Variants in SANBR observed in about 807,000 individuals in gnomAD.
SANBR encodes SANT and BTB domain regulator of class switch recombination.
Under a neutral mutation model 101.8 loss-of-function variants are expected in SANBR, and 77 were observed. The observed-to-expected ratio is 0.76, with a 90% CI of 0.63 to 0.91. The LOEUF (loss-of-function observed/expected upper bound fraction) is 0.91, where lower values mean the gene tolerates loss of function less well. Ranked by LOEUF, SANBR falls within the 40% of genes least tolerant of loss-of-function variation. The probability of loss-of-function intolerance (pLI) is 0.00; values close to 1 mark genes in which losing one functional copy is unlikely to be tolerated. For missense variants in SANBR, 875 were observed against 853.0 expected, an observed-to-expected ratio of 1.03 and a Z score of -0.32; for synonymous variants, 279 against 274.7, an observed-to-expected ratio of 1.02 and a Z score of -0.15.
intron 12 of SANBR, among the ~76,000 whole-genome samples, chr2:61,102,169 C>T (rs376152108): frequency 3.3e-5 from 5 of 151,580 alleles, no homozygotes; most frequent in Non-Finnish European, 5.9e-5. Flanking sequence ...GTCAAGAGAT[C>T]GAGACCACCC....
At position 61,117,673 on chromosome 2, in the gene SANBR, C is replaced by T. The variant is rs1219554971; in HGVS notation, c.1939+133C>T. 8.2e-6 allele frequency: 6 copies of T among 729,804 alleles called. No homozygotes were observed. The East Asian group carries it at 1.1e-4, about 13-fold the overall frequency. 45.2% of individuals were successfully genotyped at this position (729,804 alleles called of 1,614,324 possible). On this transcript the variant is annotated intron_variant, in intron 19 of 21. Transcript: ENST00000402291. ...GTAAGGCCCCAAATTTGCATATTCC[C>T]TTAGGCAACAACCAGAGTTTCATTA...
At chr2:61,104,077 A>G in intron 13 of SANBR, 79 bp downstream of exon 13, 1 of 1,257,494 alleles carries the variant, frequency 8.0e-7, no homozygotes, top group Admixed American at 2.0e-5. Context: ...TCCCCAAATC[A>G]GCAACGTCAG....
chr2:61,071,825 C>T (rs764876126), intron 4 of SANBR, 33 bp downstream of exon 4: 1 of 1,391,800 alleles, frequency 7.2e-7, no homozygotes, highest in Non-Finnish European at 9.9e-7. Flanking sequence ...AGTACTTGCC[C>T]TTATGAAAAT....
chr2:61,117,532 G>A lies in SANBR; in HGVS notation c.1931G>A (p.Arg644Lys). 2 of 1,612,380 alleles carry A rather than the reference G, an allele frequency of 1.2e-6. No homozygotes were observed. The highest frequency in any genetic ancestry group is 1.7e-6 in the Non-Finnish European group (2 of 1,178,640). ...RSLRFNQDAQREDDQRRMTEI... is the reference protein window; with the variant it reads ...RSLRFNQDAQKEDDQRRMTEI... ...TTGAGATTCAACCAGGATGCACAAA[G>A]AGAAGACGGTAAATTTTATTATTTG... The change falls in exon 19 of 22, where the codon AGA (arginine) becomes AAA (lysine). Residue 644 changes from arginine to lysine, a missense_variant. By Grantham distance (26) the Arg-to-Lys change is conservative (BLOSUM62 2). Transcript: ENST00000402291.
rs1683096493 is a variant in SANBR at position 61,097,740 on chromosome 2, C to G, written c.1253C>G (p.Ser418Ter). ...GAATTTTCACATTGTCAATACCACT[C>G]AGAAACAGTGGTTTATCCTACTGCA... ...CIEFSHCQYH[S>*]ETVVYPTAAS... is the part of the protein sequence containing the mutation. Residue 418 changes from serine to a stop codon, truncating the protein, a stop_gained, in exon 12 of 22, where the codon TCA becomes TGA. Transcript: ENST00000402291. LOFTEE classifies it high-confidence loss of function. 6.2e-6 allele frequency: 10 copies of G among 1,608,816 alleles called. No individual in the cohort carries two copies. The East Asian group carries it at 1.1e-4, about 18-fold the overall frequency.
chr2:61,066,916 T>C (rs573854218), intron 1 of SANBR, among the ~76,000 whole-genome samples: 45 of 152,352 alleles, frequency 3.0e-4, no homozygotes, highest in African/African-American at 1.0e-3. Context: ...TTATTTTTGG[T>C]AAATAACGTA....
At chr2:61,129,460 A>T (rs1684618398) in intron 20 of SANBR, among the ~76,000 whole-genome samples, 2 of 150,882 alleles carry the variant, frequency 1.3e-5, no homozygotes, top group African/African-American at 4.9e-5. Flanking sequence ...AAAAAACAAG[A>T]AAAAAAGTTA....
intron 16 of SANBR, among the ~76,000 whole-genome samples, chr2:61,114,230 GC>G (rs1256146713): frequency 6.6e-6 from 1 of 152,158 alleles, no homozygotes. Context: ...CCAGGAGAGT[GC>G]TGTAAAGAGT....
intron 19 of SANBR, 129 bp downstream of exon 19, chr2:61,117,669 T>G: frequency 1.3e-6 from 1 of 761,302 alleles, no homozygotes; most frequent in African/African-American, 1.7e-5. Flanking sequence ...AATTTGCATA[T>G]TCCCTTAGGC....
At chr2:61,119,415 C>T (rs1684231005) in intron 20 of SANBR, among the ~76,000 whole-genome samples, 1 of 152,030 alleles carries the variant, frequency 6.6e-6, no homozygotes, top group Non-Finnish European at 1.5e-5. Context: ...TCAAAAGACA[C>T]TATTTAGACA....
chr2:61,084,793 G>A (rs1473469198), intron 8 of SANBR, among the ~76,000 whole-genome samples: 1 of 152,124 alleles, frequency 6.6e-6, no homozygotes, highest in Admixed American at 6.5e-5. Flanking sequence ...CCTGTTAAGA[G>A]GCTGGTGCAG....
In SANBR at chr2:61,122,924, TTA is replaced by T. The variant is rs1684391691; in HGVS notation, c.*766_*767del. On this transcript the variant is annotated 3_prime_UTR_variant, in exon 22 of 22. Transcript: ENST00000402291. Reference sequence around the variant, plus strand: ...GTTTTAGGATAGTAAATCATTTCTGTTATATGAGACACCCACTGTACAGTTCT... The same window carrying T: ...GTTTTAGGATAGTAAATCATTTCTGTTATGAGACACCCACTGTACAGTTCT... 1.0e-6 allele frequency: 1 copy of T among 985,310 alleles called. No individual in the cohort carries two copies. The allele number at this position is 985,310 out of a possible 1,614,324, so 61.0% of individuals were successfully genotyped here. A position where few individuals can be genotyped will look rare whatever the true frequency, so the allele number is the denominator to read the frequency against.
At chr2:61,102,584 CTG>C (rs1683342280) in intron 12 of SANBR, among the ~76,000 whole-genome samples, 1 of 151,332 alleles carries the variant, frequency 6.6e-6, no homozygotes. Flanking sequence ...GTTGCCCAGA[CTG>C]GAGTGTAGTG....
intron 13 of SANBR, among the ~76,000 whole-genome samples, chr2:61,105,921 C>T (rs1043503978): frequency 5.9e-5 from 9 of 152,090 alleles, no homozygotes; most frequent in Admixed American, 2.6e-4. Flanking sequence ...CCGCCCGCCT[C>T]GGCCTCGCAA....
chr2:61,073,355 A>T, intron 4 of SANBR, 103 bp from the exon 5 acceptor site: 1 of 486,172 alleles, frequency 2.1e-6, no homozygotes, highest in Non-Finnish European at 3.7e-6. Context: ...CTTGGAAACC[A>T]TGCATTTACA....
At chr2:61,071,561 A>AG (rs1559070728) in intron 3 of SANBR, 45 bp from the exon 4 acceptor site, 2 of 1,403,804 alleles carry the variant, frequency 1.4e-6, no homozygotes, top group South Asian at 3.0e-5. Context: ...AAAAAAAAAA[A>AG]AAAAATTCCC....
intron 21 of SANBR, among the ~76,000 whole-genome samples, chr2:61,135,590 C>G (rs1012048388): frequency 5.9e-5 from 9 of 152,136 alleles, no homozygotes; most frequent in Non-Finnish European, 1.3e-4. Context: ...CTGTAAGCCA[C>G]AGCTAGAAAT....
At chr2:61,119,701 T>C (rs1684244156) in intron 20 of SANBR, among the ~76,000 whole-genome samples, 1 of 152,190 alleles carries the variant, frequency 6.6e-6, no homozygotes, top group Non-Finnish European at 1.5e-5. Flanking sequence ...CTCACACCTG[T>C]AATCCCAGCA....
intron 1 of SANBR, among the ~76,000 whole-genome samples, chr2:61,067,005 T>A (rs1443769196): frequency 6.6e-6 from 1 of 152,338 alleles, no homozygotes; most frequent in South Asian, 2.1e-4. Context: ...TTTGAGCTTT[T>A]TCTTGTCACC....
Sources: allele counts gnomAD v4.1 joint callset (sites outside exome capture counted in the v4.1 genomes callset), GRCh38; gene constraint gnomAD v4.1.1; transcripts MANE v1.5; gene names NCBI Gene and HGNC (gene_info 2026-07-23, HGNC 2026-07-21).